The following ARK2C variants were observed in gnomAD, a reference collection of about 807,000 sequenced individuals.
The protein encoded by ARK2C is arkadia (RNF111) C-terminal like ring finger ubiquitin ligase 2C, also known as E3 ubiquitin-protein ligase ARK2C.
At chr18:46,456,103 C>T in the ARK2C span, 3 of 1,357,416 alleles carry the variant, frequency 2.2e-6, no homozygotes, top group Non-Finnish European at 3.1e-6. Context: ...CATTTTGATT[C>T]CCTCTCCCCT....
chr18:46,390,671 C>A, the ARK2C span, among the ~76,000 whole-genome samples: 19 of 152,110 alleles, frequency 1.2e-4, no homozygotes, highest in Non-Finnish European at 2.5e-4. Context: ...CATTCAGCAG[C>A]ATTTATGGGG....
the ARK2C span, among the ~76,000 whole-genome samples, chr18:46,410,783 A>G: frequency 6.6e-6 from 1 of 152,236 alleles, no homozygotes; most frequent in Non-Finnish European, 1.5e-5. Flanking sequence ...TGGCTGCTGC[A>G]TGGTAAACTC....
At chr18:46,409,207 T>C in the ARK2C span, among the ~76,000 whole-genome samples, 2 of 152,222 alleles carry the variant, frequency 1.3e-5, no homozygotes, top group Non-Finnish European at 2.9e-5. Context: ...AAGGATAGTC[T>C]GCAAGTTTAT....
At chr18:46,447,618 C>G in the ARK2C span, 1 of 1,614,070 alleles carries the variant, frequency 6.2e-7, no homozygotes, top group Non-Finnish European at 8.5e-7. Flanking sequence ...GCGGCCCATC[C>G]CTCAGCACTA....
the ARK2C span, among the ~76,000 whole-genome samples, chr18:46,443,971 T>A: frequency 1.3e-5 from 2 of 152,150 alleles, no homozygotes; most frequent in Non-Finnish European, 1.5e-5. Flanking sequence ...TTTGAAAAAG[T>A]CTTTATTTCA....
chr18:46,335,885 T>C, the ARK2C span: 1 of 984,890 alleles, frequency 1.0e-6, no homozygotes, highest in Non-Finnish European at 1.2e-6. Flanking sequence ...CTTCATTGTG[T>C]AGCTCAGTGA....
At chr18:46,403,152 G>A in the ARK2C span, among the ~76,000 whole-genome samples, 4 of 152,186 alleles carry the variant, frequency 2.6e-5, no homozygotes, top group African/African-American at 4.8e-5. Context: ...TCACCTTGTT[G>A]GTTCGTCTGT....
the ARK2C span, among the ~76,000 whole-genome samples, chr18:46,369,010 A>G: frequency 6.6e-6 from 1 of 152,222 alleles, no homozygotes; most frequent in Non-Finnish European, 1.5e-5. Context: ...ATGTTATTTA[A>G]TCATGTAGTT....
chr18:46,343,056 A>G, the ARK2C span, among the ~76,000 whole-genome samples: 1 of 152,248 alleles, frequency 6.6e-6, no homozygotes, highest in Non-Finnish European at 1.5e-5. Context: ...ATAGTGGCTC[A>G]ACAGCCAAGT....
chr18:46,394,661 C>T, the ARK2C span, among the ~76,000 whole-genome samples: 5 of 152,262 alleles, frequency 3.3e-5, no homozygotes, highest in East Asian at 1.9e-4. Context: ...AACTAATGAC[C>T]CTGGCGAGGT....
At chr18:46,456,200 G>T in the ARK2C span, 1 of 689,584 alleles carries the variant, frequency 1.5e-6, no homozygotes, top group Non-Finnish European at 2.6e-6. Context: ...TGCCAAGTGT[G>T]CTATAATGTG....
the ARK2C span, among the ~76,000 whole-genome samples, chr18:46,363,396 A>G: frequency 6.6e-6 from 1 of 152,242 alleles, no homozygotes; most frequent in Non-Finnish European, 1.5e-5. Flanking sequence ...GCCCTCAGCC[A>G]GAGCTCCTCT....
the ARK2C span, among the ~76,000 whole-genome samples, chr18:46,388,163 T>G: frequency 3.3e-5 from 5 of 152,196 alleles, no homozygotes; most frequent in Admixed American, 1.3e-4. Flanking sequence ...GGGAGATAGC[T>G]ACATAGTAAG....
chr18:46,453,442 C>A, the ARK2C span, among the ~76,000 whole-genome samples: 2 of 151,762 alleles, frequency 1.3e-5, no homozygotes, highest in Admixed American at 6.6e-5. Flanking sequence ...TGAAGAGAAC[C>A]AATGCTAAGA....
the ARK2C span, among the ~76,000 whole-genome samples, chr18:46,432,834 A>G: frequency 6.6e-6 from 1 of 152,022 alleles, no homozygotes; most frequent in African/African-American, 2.4e-5. Flanking sequence ...AGTCCCAGCT[A>G]CTCGGGAGGC....
the ARK2C span, among the ~76,000 whole-genome samples, chr18:46,396,440 C>G: frequency 6.6e-6 from 1 of 152,190 alleles, no homozygotes; most frequent in Non-Finnish European, 1.5e-5. Flanking sequence ...CAGAGCAGGT[C>G]TCCTGTCACC....
chr18:46,399,271 C>T, the ARK2C span, among the ~76,000 whole-genome samples: 2 of 152,148 alleles, frequency 1.3e-5, no homozygotes, highest in African/African-American at 4.8e-5. Context: ...GGGCAGTGCT[C>T]CGGCAGCTTG....
the ARK2C span, among the ~76,000 whole-genome samples, chr18:46,365,197 G>C: frequency 6.6e-6 from 1 of 152,206 alleles, no homozygotes; most frequent in Non-Finnish European, 1.5e-5. Context: ...CTGAAGGGGA[G>C]GGGGTATGGA....
the ARK2C span, among the ~76,000 whole-genome samples, chr18:46,440,669 AT>A: frequency 6.6e-6 from 1 of 152,220 alleles, no homozygotes; most frequent in Non-Finnish European, 1.5e-5. Context: ...TTTTACTATA[AT>A]CAAATATCTA....
Sources: allele counts gnomAD v4.1 joint callset (sites outside exome capture counted in the v4.1 genomes callset), GRCh38; gene constraint gnomAD v4.1.1; transcripts MANE v1.5; gene names NCBI Gene and HGNC (gene_info 2026-07-23, HGNC 2026-07-21).